Variants in MALSU1 observed in about 807,000 individuals in gnomAD.
The protein encoded by MALSU1 is mitochondrial assembly of ribosomal large subunit protein 1.
Under a neutral mutation model 22.1 loss-of-function variants are expected in MALSU1, and 22 were observed. That is an observed-to-expected ratio of 1.00 (90% CI 0.71 to 1.42). MALSU1 has a LOEUF of 1.42. MALSU1 is among the 40% of genes most tolerant of loss of function. MALSU1 has a pLI of 0.00. For synonymous variants in MALSU1, 153 were observed against 118.5 expected (o/e 1.29, Z -1.89); for missense variants, 379 against 308.3 (o/e 1.23, Z -1.72).
rs1274737579 is a variant in MALSU1, at chr7:23,310,603, A to T, written c.*1060A>T. On this transcript the variant is annotated 3_prime_UTR_variant, in exon 4 of 4. Coordinates refer to ENST00000466681, the MANE Select transcript of MALSU1 (RefSeq NM_138446.2). ...CAATTTTAATTCATTGTATGAAAAA[A>T]AAATCATGAATGCTAGGAGAATCCA... 4 of 152,252 alleles carry T rather than the reference A, an allele frequency of 2.6e-5. No homozygotes were observed. The highest frequency in any genetic ancestry group is 5.9e-5 in the Non-Finnish European group (4 of 68,046). The allele number at this position is 152,252 out of a possible 1,614,324, so 9.4% of individuals were successfully genotyped here. A position where few individuals can be genotyped will look rare whatever the true frequency, so the allele number is the denominator to read the frequency against.
intron 1 of MALSU1, 119 bp downstream of exon 1, chr7:23,299,727 C>G (rs1783616254): frequency 2.5e-6 from 3 of 1,183,384 alleles, no homozygotes; most frequent in Non-Finnish European, 3.5e-6. Flanking sequence ...AAAACTCCTG[C>G]ACATCCAGAG....
In MALSU1 at chr7:23,299,573, C is replaced by T. The variant is rs764246133; in HGVS notation, c.221C>T (p.Thr74Met). The T allele has an allele frequency of 2.5e-6, 4 of 1,604,134 alleles. No homozygotes were observed. Among genetic ancestry groups the T allele is most frequent in the East Asian group, 2.3e-5 (1 of 44,256 alleles). Residue 74 changes from threonine to methionine, a missense_variant, in exon 1 of 4, where the codon ACG (threonine) becomes ATG (methionine). Coordinates refer to ENST00000466681, the MANE Select transcript of MALSU1 (RefSeq NM_138446.2). ...GGGCTGGAGGAGCGGGCGGAGGGGACGGTCAACGAGGGACGCCCAGAATCG... is the reference window on the plus strand; with the variant it reads ...GGGCTGGAGGAGCGGGCGGAGGGGATGGTCAACGAGGGACGCCCAGAATCG... ...EPGLEERAEG[T>M]VNEGRPESDA...
rs1472305751 is a variant in MALSU1 at position 23,299,427 on chromosome 7, G to C, written c.75G>C (p.Gly25=). The C allele has an allele frequency of 2.5e-6, 4 of 1,603,070 alleles. No homozygotes were observed. In the African/African-American group the frequency reaches 5.3e-5, roughly 21 times the overall value. ...MWRRAVSSVA[G]SAVGAEPGLR... ...GCAGGGCGGTTTCCTCGGTGGCGGGGTCCGCGGTTGGAGCCGAGCCCGGGC... is the reference window on the plus strand; with the variant it reads ...GCAGGGCGGTTTCCTCGGTGGCGGGCTCCGCGGTTGGAGCCGAGCCCGGGC... Residue 25 remains glycine, a synonymous_variant, in exon 1 of 4, where the codon GGG becomes GGC. Coordinates refer to ENST00000466681, the MANE Select transcript of MALSU1 (RefSeq NM_138446.2).
At chr7:23,304,919 A>G (rs967197631) in intron 2 of MALSU1, among the ~76,000 whole-genome samples, 4 of 152,136 alleles carry the variant, frequency 2.6e-5, no homozygotes, top group Admixed American at 1.3e-4. Flanking sequence ...TTGATGCACG[A>G]AAGTATTTAA....
At position 23,310,970 on chromosome 7, in the gene MALSU1, T is replaced by C. The variant is rs866668792; in HGVS notation, c.*1427T>C. 6.6e-6 allele frequency: 1 copy of C among 152,188 alleles called. No individual in the cohort carries two copies. Among genetic ancestry groups the C allele is most frequent in the South Asian group, 2.1e-4 (1 of 4,828 alleles). 9.4% of individuals were successfully genotyped at this position (152,188 alleles called of 1,614,324 possible). A position where few individuals can be genotyped will look rare whatever the true frequency, so the allele number is the denominator to read the frequency against. On this transcript the variant is annotated 3_prime_UTR_variant, in exon 4 of 4. Coordinates refer to ENST00000466681, the MANE Select transcript of MALSU1 (RefSeq NM_138446.2). Reference sequence around the variant, plus strand: ...AAGGAGTGAGCAAATGAGTTCGTTATCAAAGGTCATATGTTTTCACAGTCA... The same window carrying C: ...AAGGAGTGAGCAAATGAGTTCGTTACCAAAGGTCATATGTTTTCACAGTCA...
chr7:23,302,171 G>C (rs1207900305), intron 2 of MALSU1, among the ~76,000 whole-genome samples: 1 of 152,100 alleles, frequency 6.6e-6, no homozygotes, highest in Non-Finnish European at 1.5e-5. Context: ...CACTGTACGG[G>C]GTATTGGGAA....
chr7:23,299,390 C>T lies in MALSU1; in HGVS notation c.38C>T (p.Pro13Leu), dbSNP rs368948936. The change falls in exon 1 of 4, where the codon CCA becomes CTA. Residue 13 changes from proline to leucine, a missense_variant. Transcript: ENST00000466681. ...PGGRVARLLA[P>L]LMWRRAVSSV... ...GGCCGTGTGGCGCGGCTGCTCGCCC[C>T]ACTAATGTGGCGCAGGGCGGTTTCC... The T allele has an allele frequency of 9.6e-5, 153 of 1,595,914 alleles. No homozygotes were observed. Among genetic ancestry groups the T allele is most frequent in the Non-Finnish European group, 1.2e-4 (144 of 1,176,188 alleles).
In MALSU1 at chr7:23,311,259, G is replaced by A. The variant is rs1783819671; in HGVS notation, c.*1716G>A. On this transcript the variant is annotated 3_prime_UTR_variant, in exon 4 of 4. Transcript: ENST00000466681. ...TATGACTGTCCCATTGGTCTGAAGTGTAGTGGCAAACTAAGCATCCTATAA... is the reference window on the plus strand; with the variant it reads ...TATGACTGTCCCATTGGTCTGAAGTATAGTGGCAAACTAAGCATCCTATAA... 1 of 152,432 alleles carries A rather than the reference G, an allele frequency of 6.6e-6. No individual in the cohort carries two copies. The highest frequency in any genetic ancestry group is 1.5e-5 in the Non-Finnish European group (1 of 68,036). 9.4% of individuals were successfully genotyped at this position (152,432 alleles called of 1,614,324 possible). A position where few individuals can be genotyped will look rare whatever the true frequency, so the allele number is the denominator to read the frequency against.
rs1783633219 is a variant in MALSU1, at chr7:23,300,847, GGTCCCAA to G, written c.268_274del (p.Pro90LeufsTer5). 1.2e-6 allele frequency: 2 copies of G among 1,613,360 alleles called. No individual in the cohort carries two copies. Among genetic ancestry groups the G allele is most frequent in the African/African-American group, 2.7e-5 (2 of 74,818 alleles). ...CTATTTGTGCATTTCAGATCATACT[GGTCCCAA>G]GTTTGACATCGATATGATGGTTTCA... On this transcript the variant is annotated frameshift_variant, in exon 2 of 4. Coordinates refer to ENST00000466681, the MANE Select transcript of MALSU1 (RefSeq NM_138446.2). LOFTEE classifies it high-confidence loss of function.
At chr7:23,300,202 A>G (rs191483117) in intron 1 of MALSU1, among the ~76,000 whole-genome samples, 8 of 152,262 alleles carry the variant, frequency 5.3e-5, no homozygotes, top group East Asian at 3.9e-4. Context: ...CAGAATATCT[A>G]AATCTTTACG....
chr7:23,300,806 A>T lies in MALSU1; in HGVS notation c.257-33A>T, dbSNP rs368975941. Reference sequence around the variant, plus strand: ...TGCATACACGTCTATCTGCTTGGCCATCCTGATACAAACAACTATTTGTGC... The same window carrying T: ...TGCATACACGTCTATCTGCTTGGCCTTCCTGATACAAACAACTATTTGTGC... On this transcript the variant is annotated intron_variant, in intron 1 of 3. Transcript: ENST00000466681. The T allele has an allele frequency of 6.9e-6, 11 of 1,592,286 alleles. No homozygotes were observed. The East Asian group carries it at 1.8e-4, about 26-fold the overall frequency.
At chr7:23,308,065 T>C in intron 3 of MALSU1, 116 bp downstream of exon 3, 3 of 884,558 alleles carry the variant, frequency 3.4e-6, no homozygotes, top group Non-Finnish European at 3.7e-6. Context: ...GGTAAGATTT[T>C]TGAAGTGTGT....
Position 23,309,380 on chromosome 7 carries a change from T to G in MALSU1, c.542T>G (p.Leu181Arg), listed in dbSNP as rs1330776951. 6.2e-7 allele frequency: 1 copy of G among 1,611,676 alleles called. No homozygotes were observed. Among genetic ancestry groups the G allele is most frequent in the Non-Finnish European group, 8.5e-7 (1 of 1,179,330 alleles). The change falls in exon 4 of 4, where the codon CTT becomes CGT. Residue 181 changes from leucine (L) to arginine (R), a missense_variant. Leu to Arg is a moderately radical substitution (Grantham distance 102). Coordinates refer to ENST00000466681, the MANE Select transcript of MALSU1 (RefSeq NM_138446.2). ...DFGSMVIHLM[L>R]PETREIYELE... ...GGCAGCATGGTGATTCATTTGATGC[T>G]TCCAGAAACCAGAGAAATCTATGAA...
At chr7:23,309,009 T>C (rs754984612) in intron 3 of MALSU1, among the ~76,000 whole-genome samples, 10 of 152,238 alleles carry the variant, frequency 6.6e-5, no homozygotes, top group Non-Finnish European at 1.2e-4. Context: ...CATTCTTGGA[T>C]AGTCAAAACA....
intron 2 of MALSU1, among the ~76,000 whole-genome samples, chr7:23,307,169 C>T (rs1268860132): frequency 1.3e-5 from 2 of 152,222 alleles, no homozygotes; most frequent in Admixed American, 1.3e-4. Flanking sequence ...AATACTCTTA[C>T]AATCCCATTT....
At chr7:23,306,029 T>C (rs1224446776) in intron 2 of MALSU1, among the ~76,000 whole-genome samples, 3 of 152,122 alleles carry the variant, frequency 2.0e-5, no homozygotes, top group Non-Finnish European at 2.9e-5. Context: ...ACCCCGTCTC[T>C]ACTGAAAATA....
chr7:23,309,184 T>C (rs149905410), intron 3 of MALSU1, among the ~76,000 whole-genome samples, 172 bp from the exon 4 acceptor site: 91 of 152,350 alleles, frequency 6.0e-4, no homozygotes, highest in Non-Finnish European at 1.1e-3. Flanking sequence ...GAGAAAGGCA[T>C]AGCATCACTT....
At position 23,299,612 on chromosome 7, in the gene MALSU1, C is replaced by T. The variant is rs1216380384; in HGVS notation, c.256+4C>T. ...CGCCCAGAATCGGACGCGGCAGGTACGGGCGTGGAGAAGAACGAAGGCGAC... is the reference window on the plus strand; with the variant it reads ...CGCCCAGAATCGGACGCGGCAGGTATGGGCGTGGAGAAGAACGAAGGCGAC... On this transcript the variant is annotated splice_donor_region_variant and intron_variant, in intron 1 of 3. Coordinates refer to ENST00000466681, the MANE Select transcript of MALSU1 (RefSeq NM_138446.2). The T allele has an allele frequency of 6.4e-7, 1 of 1,570,798 alleles. No individual in the cohort carries two copies. The highest frequency in any genetic ancestry group is 8.6e-7 in the Non-Finnish European group (1 of 1,158,280).
intron 2 of MALSU1, 97 bp from the exon 3 acceptor site, chr7:23,307,771 A>T (rs192812713): frequency 3.9e-6 from 3 of 765,136 alleles, no homozygotes; most frequent in African/African-American, 1.9e-5. Flanking sequence ...AAGAAAGATT[A>T]AAAAAAACAA....
Sources: gnomAD v4.1 joint callset for allele counts (sites outside exome capture counted in the v4.1 genomes callset) on GRCh38, gnomAD v4.1.1 for gene constraint, MANE v1.5 for transcripts, NCBI Gene and HGNC (gene_info 2026-07-23, HGNC 2026-07-21) for gene names.